The following TAOK2 variants were observed in gnomAD, a reference collection of about 807,000 sequenced individuals.
TAOK2 encodes serine/threonine-protein kinase TAO2.
TAOK2 carries 42 observed loss-of-function variants against 122.5 expected under a neutral mutation model. The ratio of observed to expected loss-of-function variants is 0.34; its 90% CI spans 0.27 to 0.44. The LOEUF (loss-of-function observed/expected upper bound fraction) is 0.44. TAOK2 is among the 20% of genes least tolerant of loss of function. The pLI is 1.00. For synonymous variants in TAOK2, 704 were observed against 677.6 expected (o/e 1.04, Z -0.61); for missense variants, 1,264 against 1,644.9 (o/e 0.77, Z 4.01).
chr16:29,982,621 C>T, intron 10 of TAOK2, 113 bp from the exon 11 acceptor site: 4 of 1,412,758 alleles, frequency 2.8e-6, no homozygotes, highest in Non-Finnish European at 3.8e-6. Flanking sequence ...CAGCATCAAC[C>T]CGTGGTGGGC....
chr16:29,979,589 C>A lies in TAOK2; in HGVS notation c.655+81C>A. On this transcript the variant is annotated intron_variant, in intron 8 of 15. Transcript: ENST00000308893. The surrounding 1 kb of genome is among the most constrained non-coding windows in gnomAD (Gnocchi z 4.1). ...CCAGACTCCGGACTACCCCCTTCTC[C>A]TAGGGATGGGATCCCAGGCCTCCAA... 1 of 1,177,872 alleles carries A rather than the reference C, an allele frequency of 8.5e-7. No homozygotes were observed. The highest frequency in any genetic ancestry group is 1.2e-6 in the Non-Finnish European group (1 of 860,270). 73.0% of individuals were successfully genotyped at this position (1,177,872 alleles called of 1,614,324 possible).
intron 1 of TAOK2, among the ~76,000 whole-genome samples, chr16:29,976,578 G>A (rs1235749634): frequency 6.6e-6 from 1 of 152,236 alleles, no homozygotes; most frequent in Non-Finnish European, 1.5e-5. Context: ...TTAGGCTGGA[G>A]CCTGTCTTGG....
chr16:29,988,266 T>A lies in TAOK2; in HGVS notation c.*286T>A. ...GACTCAGGCCTGGGGCCAGGGGTGG[T>A]GGAGGGTGGGAAGAGTCATGTTTTT... On this transcript the variant is annotated 3_prime_UTR_variant, in exon 16 of 16. Coordinates refer to ENST00000308893, the MANE Select transcript of TAOK2 (RefSeq NM_016151.4). The A allele has an allele frequency of 6.8e-7, 1 of 1,470,040 alleles. No homozygotes were observed. Among genetic ancestry groups the A allele is most frequent in the Non-Finnish European group, 9.0e-7 (1 of 1,113,974 alleles). 91.1% of individuals were successfully genotyped at this position (1,470,040 alleles called of 1,614,324 possible).
Position 29,977,722 on chromosome 16 carries a change from C to T in TAOK2, c.-35-16C>T, listed in dbSNP as rs1246678923. 3 of 1,604,830 alleles carry T rather than the reference C, an allele frequency of 1.9e-6. No homozygotes were observed. Among genetic ancestry groups the T allele is most frequent in the Non-Finnish European group, 2.5e-6 (3 of 1,177,050 alleles). Reference sequence around the variant, plus strand: ...CTCAATCCTTGATCTCTAAGGGTCCCATTTCCATTCCTCAGGCCAGGCCCC... The same window carrying T: ...CTCAATCCTTGATCTCTAAGGGTCCTATTTCCATTCCTCAGGCCAGGCCCC... On this transcript the variant is annotated splice_polypyrimidine_tract_variant and intron_variant, in intron 1 of 15. Transcript: ENST00000308893.
intron 4 of TAOK2, 75 bp downstream of exon 4, chr16:29,978,428 G>C: frequency 6.7e-7 from 1 of 1,484,320 alleles, no homozygotes; most frequent in Non-Finnish European, 9.4e-7. Context: ...AGTCTCTTAG[G>C]TGGTCCCTGT....
In TAOK2 at chr16:29,987,466, C is replaced by CG. The variant is rs752509959; in HGVS notation, c.3200dup (p.Arg1068GlnfsTer69). 6.3e-7 allele frequency: 1 copy of CG among 1,591,888 alleles called. No homozygotes were observed. The highest frequency in any genetic ancestry group is 8.6e-7 in the Non-Finnish European group (1 of 1,167,284). ...GCTCTACCTCTGGTGGCTATGGCAG[C>CG]GGGGGGCAGATGGGTGCGGCAGCAG... On this transcript the variant is annotated frameshift_variant, in exon 16 of 16. Transcript: ENST00000308893. LOFTEE classifies it high-confidence loss of function.
chr16:29,986,740 C>T lies in TAOK2; in HGVS notation c.2468C>T (p.Ala823Val). 2.5e-6 allele frequency: 4 copies of T among 1,614,018 alleles called. No individual in the cohort carries two copies. The South Asian group carries it at 3.3e-5, about 13-fold the overall frequency. ...AGGATTCTGGGGGAAGAATCAGGAG[C>T]CCCTAGTCCCAGTCCACAAAAACAT... is the stretch of plus-strand genomic sequence containing the variant. The part of the protein sequence containing the change: ...QQRILGEESG[A>V]PSPSPQKHGS... The change falls in exon 16 of 16, where the codon GCC becomes GTC. Residue 823 changes from alanine (A) to valine (V), a missense_variant. Transcript: ENST00000308893. This position sits in a 1 kb window ranked among gnomAD's most constrained non-coding sequence, Gnocchi z 4.2.
In TAOK2 at chr16:29,987,179, G is replaced by C. The variant is rs1210273273; in HGVS notation, c.2907G>C (p.Leu969=). 2 of 1,535,802 alleles carry C rather than the reference G, an allele frequency of 1.3e-6. No homozygotes were observed. The highest frequency in any genetic ancestry group is 2.1e-5 in the Admixed American group (1 of 46,976). The change falls in exon 16 of 16, where the codon CTG becomes CTC. Residue 969 remains leucine, a synonymous_variant. Transcript: ENST00000308893. ...CCTCCTCTGGCCTCCTGCCCCTCCT[G>C]CTGCTGCTGCTGCTTCCATTGCTGG... The part of the protein sequence containing the change: ...VGSSSGLLPL[L]LLLLLPLLAA...
chr16:29,980,006 G>A (rs914783583), intron 8 of TAOK2, among the ~76,000 whole-genome samples: 1 of 152,228 alleles, frequency 6.6e-6, no homozygotes, highest in Non-Finnish European at 1.5e-5. Flanking sequence ...GCTGTTTGCA[G>A]AATGTAGGGA....
chr16:29,991,244 C>T (rs930704639), downstream of TAOK2: 20 of 1,611,990 alleles, frequency 1.2e-5, no homozygotes, highest in African/African-American at 1.3e-5. This position sits in a 1 kb window ranked among gnomAD's most constrained non-coding sequence, Gnocchi z 5.6. Context: ...CAGCCTGGCC[C>T]TCCCGTCCCG....
chr16:29,981,871 C>G lies in TAOK2; in HGVS notation c.762C>G (p.Phe254Leu). Residue 254 changes from phenylalanine to leucine, a missense_variant, in exon 10 of 16, where the codon TTC becomes TTG. Coordinates refer to ENST00000308893, the MANE Select transcript of TAOK2 (RefSeq NM_016151.4). ...VLQSGHWSEY[F>L]RNFVDSCLQK... ...CTGTGACTTTCAGGTCTGAGTACTTCCGGAATTTTGTCGACTCCTGTCTTC... is the reference window on the plus strand; with the variant it reads ...CTGTGACTTTCAGGTCTGAGTACTTGCGGAATTTTGTCGACTCCTGTCTTC... The G allele has an allele frequency of 1.3e-6, 2 of 1,590,122 alleles. No individual in the cohort carries two copies. The highest frequency in any genetic ancestry group is 2.3e-5 in the East Asian group (1 of 43,710).
At position 29,983,288 on chromosome 16, in the gene TAOK2, G is replaced by A; in HGVS notation, c.1216G>A (p.Glu406Lys). Residue 406 changes from glutamate (E) to lysine (K), a missense_variant, in exon 12 of 16, where the codon GAG (glutamate) becomes AAG (lysine). By Grantham distance (56) the Glu-to-Lys change is moderately conservative. This residue lies in a region of TAOK2 where 122 missense variants were observed against 116.7 expected (regional missense o/e 1.04). Coordinates refer to ENST00000308893, the MANE Select transcript of TAOK2 (RefSeq NM_016151.4). ...GGAGATGGCCATGATGCAGGAGGGG[G>A]AGCACACAGTCACCTCTCACAGCTC... ...AREMAMMQEG[E>K]HTVTSHSSII... The A allele has an allele frequency of 6.2e-7, 1 of 1,603,974 alleles. No homozygotes were observed. The highest frequency in any genetic ancestry group is 8.5e-7 in the Non-Finnish European group (1 of 1,179,710).
Position 29,986,470 on chromosome 16 carries a change from C to T in TAOK2, c.2198C>T (p.Ala733Val), listed in dbSNP as rs746118559. 32 of 1,602,862 alleles carry T rather than the reference C, an allele frequency of 2.0e-5. No homozygotes were observed. Among genetic ancestry groups the T allele is most frequent in the Middle Eastern group, 1.7e-4 (1 of 6,030 alleles). ...GAGCAAGAGTTGCGGCAGAAGCATGCGGCCCAGGTTCGCCAGCAGCCCAAG... is the reference window on the plus strand; with the variant it reads ...GAGCAAGAGTTGCGGCAGAAGCATGTGGCCCAGGTTCGCCAGCAGCCCAAG... ...RREQELRQKH[A>V]AQVRQQPKSL... is the part of the protein sequence containing the mutation. Residue 733 changes from alanine to valine, a missense_variant, in exon 16 of 16, where the codon GCG becomes GTG. Transcript: ENST00000308893. This position sits in a 1 kb window ranked among gnomAD's most constrained non-coding sequence, Gnocchi z 4.2.
chr16:29,981,388 TAACTG>T (rs1469483056), intron 8 of TAOK2: 1 of 597,914 alleles, frequency 1.7e-6, no homozygotes, highest in African/African-American at 1.9e-5. Context: ...GTTGGGGTGA[TAACTG>T]AATGGCTGTC....
At chr16:29,988,451 G>A (rs991925818), downstream of TAOK2, 4 of 1,255,246 alleles carry the variant, frequency 3.2e-6, no homozygotes, top group Middle Eastern at 2.3e-4. Flanking sequence ...AGCCTCCCCG[G>A]TATGCCCCCA....
downstream of TAOK2, chr16:29,989,774 A>G (rs1223377418): frequency 6.2e-7 from 1 of 1,613,854 alleles, no homozygotes; most frequent in Non-Finnish European, 8.5e-7. Flanking sequence ...CAGTATGACC[A>G]GTCCATCTCA....
At chr16:29,988,927 G>A (rs140125325), downstream of TAOK2, 1 of 985,350 alleles carries the variant, frequency 1.0e-6, no homozygotes, top group Non-Finnish European at 1.2e-6. Flanking sequence ...GGTGGTAGCT[G>A]CTGGCCGGTT....
intron 13 of TAOK2, among the ~76,000 whole-genome samples, chr16:29,984,457 A>G (rs958233324): frequency 6.6e-6 from 1 of 152,224 alleles, no homozygotes; most frequent in Admixed American, 6.5e-5. Flanking sequence ...TTGAGCGTCA[A>G]CAATCCCCTT....
chr16:29,991,056 G>A (rs761754157), downstream of TAOK2: 1 of 1,574,534 alleles, frequency 6.4e-7, no homozygotes, highest in Non-Finnish European at 8.6e-7. The surrounding 1 kb of genome is among the most constrained non-coding windows in gnomAD (Gnocchi z 5.6). Context: ...GGTGGAAGAG[G>A]AGCTGCTGGC....
Sources: gnomAD v4.1 joint callset for allele counts (sites outside exome capture counted in the v4.1 genomes callset) on GRCh38, gnomAD v4.1.1 for gene constraint, gnomAD v4.1.1 regional missense constraint, Gnocchi (gnomAD v3.1) non-coding constraint, MANE v1.5 for transcripts, NCBI Gene and HGNC (gene_info 2026-07-23, HGNC 2026-07-21) for gene names.